The following PMPCB variants were observed in gnomAD, a reference collection of about 807,000 sequenced individuals.
PMPCB encodes the protein peptidase, mitochondrial processing subunit beta.
PMPCB carries 46 observed loss-of-function variants against 61.5 expected under a neutral mutation model. That is an observed-to-expected ratio of 0.75 (90% confidence interval 0.59 to 0.96). The LOEUF is 0.96. PMPCB is among the 40% of genes least tolerant of loss of function. The pLI is 0.00. For missense variants in PMPCB, 590 were observed against 602.4 expected, an observed-to-expected ratio of 0.98 and a Z score of 0.22; for synonymous variants, 191 against 201.6, an observed-to-expected ratio of 0.95 and a Z score of 0.44.
the PMPCB span, among the ~76,000 whole-genome samples, chr7:103,345,642 G>A: frequency 1.7e-3 from 261 of 149,448 alleles, no homozygotes; most frequent in African/African-American, 5.5e-3. Context: ...TTTTTGTAGA[G>A]ACAGGGTCTC....
intron 9 of PMPCB, 191 bp from the exon 10 acceptor site, chr7:103,311,452 T>TTA (rs1817748856): frequency 1.7e-6 from 1 of 589,672 alleles, no homozygotes; most frequent in African/African-American, 1.9e-5. Context: ...TAATGTGTAA[T>TTA]TAGGCATGTT....
chr7:103,330,139 T>G (rs539729865), downstream of PMPCB, among the ~76,000 whole-genome samples: 11 of 152,228 alleles, frequency 7.2e-5, no homozygotes, highest in Non-Finnish European at 1.5e-4. Flanking sequence ...GTGCTTTCAC[T>G]ACCTACTCAG....
intron 9 of PMPCB, 161 bp downstream of exon 9, chr7:103,310,636 C>T: frequency 2.1e-6 from 1 of 480,792 alleles, no homozygotes; most frequent in South Asian, 3.6e-5. Context: ...GTTGGTTTTT[C>T]CTAAGTCTCA....
chr7:103,323,318 A>C (rs79525987), intron 12 of PMPCB, among the ~76,000 whole-genome samples: 2,115 of 152,332 alleles, frequency 0.014, 49 homozygotes, highest in African/African-American at 0.047. Flanking sequence ...AAAAAAAATT[A>C]ATAAAACCTA....
chr7:103,304,994 G>A (rs895290867), intron 6 of PMPCB, among the ~76,000 whole-genome samples: 2 of 152,022 alleles, frequency 1.3e-5, no homozygotes, highest in African/African-American at 4.8e-5. Flanking sequence ...TTTATAGAAA[G>A]ACTTAATGAA....
rs766693926 is a variant in PMPCB, at chr7:103,307,728, T to C, written c.849+20T>C. On this transcript the variant is annotated intron_variant, in intron 7 of 12. Transcript: ENST00000249269. ...AGTGAGGTAGGGCAAGCCTTCCAGC[T>C]AGTATTTAGCCTTTTGGATTCCTTG... 5 of 1,344,272 alleles carry C rather than the reference T, an allele frequency of 3.7e-6. No homozygotes were observed. Among genetic ancestry groups the C allele is most frequent in the Non-Finnish European group, 5.4e-6 (5 of 934,286 alleles). The allele number at this position is 1,344,272 out of a possible 1,614,324, so 83.3% of individuals were successfully genotyped here. A position where few individuals can be genotyped will look rare whatever the true frequency, so the allele number is the denominator to read the frequency against.
intron 1 of PMPCB, among the ~76,000 whole-genome samples, 172 bp from the exon 2 acceptor site, chr7:103,298,396 G>A (rs1445026395): frequency 6.6e-6 from 1 of 152,110 alleles, no homozygotes; most frequent in East Asian, 1.9e-4. Flanking sequence ...GACAGTGGCT[G>A]GTGACAGATG....
chr7:103,324,352 A>G, intron 12 of PMPCB: 1 of 712,242 alleles, frequency 1.4e-6, no homozygotes, highest in South Asian at 3.2e-5. Flanking sequence ...CACATAGGTA[A>G]CAGAGTGCTT....
intron 2 of PMPCB, 87 bp from the exon 3 acceptor site, chr7:103,299,356 C>CTT: frequency 1.4e-6 from 1 of 731,370 alleles, no homozygotes; most frequent in Non-Finnish European, 2.3e-6. Context: ...GACCAGAAAG[C>CTT]ATTTGTCAGA....
the PMPCB span, chr7:103,337,679 T>C: frequency 7.4e-7 from 1 of 1,356,558 alleles, no homozygotes. Flanking sequence ...TTAAAAAGCA[T>C]AGCCAGCCTG....
chr7:103,314,990 A>C (rs1263476075), downstream of PMPCB, among the ~76,000 whole-genome samples: 1 of 152,164 alleles, frequency 6.6e-6, no homozygotes, highest in East Asian at 1.9e-4. Flanking sequence ...CACATCCTAA[A>C]CAAAGACACA....
the PMPCB span, among the ~76,000 whole-genome samples, chr7:103,343,156 C>T: frequency 1.3e-5 from 2 of 152,072 alleles, no homozygotes; most frequent in African/African-American, 2.4e-5. Context: ...CCCGCCACCA[C>T]GCCCAGCTAC....
At chr7:103,342,903 C>A in the PMPCB span, among the ~76,000 whole-genome samples, 1 of 152,202 alleles carries the variant, frequency 6.6e-6, no homozygotes, top group Non-Finnish European at 1.5e-5. Flanking sequence ...CCACCGCGCC[C>A]GGCCTAGACA....
At chr7:103,339,169 CTTA>C in the PMPCB span, among the ~76,000 whole-genome samples, 2 of 152,162 alleles carry the variant, frequency 1.3e-5, no homozygotes. Context: ...TTCTTGTTTA[CTTA>C]TTATGTCACT....
At chr7:103,308,483 G>A (rs149693744) in intron 7 of PMPCB, among the ~76,000 whole-genome samples, 3 of 152,182 alleles carry the variant, frequency 2.0e-5, no homozygotes, top group African/African-American at 4.8e-5. Context: ...TTAGCTGGGC[G>A]TGGTGGTGCA....
At chr7:103,310,681 T>G (rs1443422013) in intron 9 of PMPCB, 2 of 246,894 alleles carry the variant, frequency 8.1e-6, no homozygotes, top group African/African-American at 4.7e-5. Context: ...AGAATTTTTT[T>G]TTTTTTTTTT....
At position 103,313,336 on chromosome 7, in the gene PMPCB, A is replaced by C. The variant is rs1817864879; in HGVS notation, c.*1065A>C. 1 of 1,272,234 alleles carries C rather than the reference A, an allele frequency of 7.9e-7. No individual in the cohort carries two copies. The highest frequency in any genetic ancestry group is 2.4e-5 in the South Asian group (1 of 41,772). 78.8% of individuals were successfully genotyped at this position (1,272,234 alleles called of 1,614,324 possible). ...AAAGGCTTTTAAAACACAATAGTAA[A>C]GATCTACCTTGTACTGTTTATCTCT... On this transcript the variant is annotated 3_prime_UTR_variant, in exon 13 of 13. Coordinates refer to ENST00000249269, the MANE Select transcript of PMPCB (RefSeq NM_004279.3).
downstream of PMPCB, among the ~76,000 whole-genome samples, chr7:103,329,978 C>T (rs555492858): frequency 2.0e-5 from 3 of 152,160 alleles, no homozygotes; most frequent in African/African-American, 7.2e-5. Flanking sequence ...AAGCAGGCTG[C>T]TTCACCCCTG....
At position 103,312,550 on chromosome 7, in the gene PMPCB, GCA is replaced by G; in HGVS notation, c.*286_*287del. The G allele has an allele frequency of 6.2e-7, 1 of 1,600,280 alleles. No homozygotes were observed. Among genetic ancestry groups the G allele is most frequent in the Non-Finnish European group, 8.5e-7 (1 of 1,176,098 alleles). On this transcript the variant is annotated 3_prime_UTR_variant, in exon 13 of 13. Coordinates refer to ENST00000249269, the MANE Select transcript of PMPCB (RefSeq NM_004279.3). The stretch of plus-strand genomic sequence containing the variant: ...GTATTTTCAGTTTTATTATAAAAAT[GCA>G]CACACAACAAAGATTGTCATTTCTT...
Sources: gnomAD v4.1 joint callset for allele counts (sites outside exome capture counted in the v4.1 genomes callset) on GRCh38, gnomAD v4.1.1 for gene constraint, MANE v1.5 for transcripts, NCBI Gene and HGNC (gene_info 2026-07-23, HGNC 2026-07-21) for gene names.